CTNNA3: variants seen among roughly 807,000 people sequenced by gnomAD.
CTNNA3 encodes catenin alpha 3.
A neutral mutation model predicts 95.7 loss-of-function variants in CTNNA3; 76 were observed. The observed-to-expected ratio is 0.79, with a 90% CI of 0.66 to 0.96. CTNNA3 has a LOEUF of 0.96. Ranked by LOEUF, CTNNA3 falls within the 40% of genes least tolerant of loss-of-function variation. The pLI, the probability that CTNNA3 is intolerant of heterozygous loss-of-function variation, is 0.00. For synonymous variants in CTNNA3, 431 were observed against 374.4 expected, an observed-to-expected ratio of 1.15 and a Z score of -1.74; for missense variants, 1,191 against 1,089.8, an observed-to-expected ratio of 1.09 and a Z score of -1.31.
At chr10:66,880,042 T>C (rs117058044) in intron 7 of CTNNA3, among the ~76,000 whole-genome samples, 302 of 152,184 alleles carry the variant, frequency 2.0e-3, no homozygotes, top group Non-Finnish European at 3.2e-3. Context: ...GGCAGCAACG[T>C]TCAGAATGTA....
intron 5 of CTNNA3, among the ~76,000 whole-genome samples, chr10:67,320,366 T>G (rs1294766717): frequency 6.6e-6 from 1 of 152,210 alleles, no homozygotes; most frequent in African/African-American, 2.4e-5. Context: ...AAGTTGTTAT[T>G]ACTGTTAACT....
At position 66,957,417 on chromosome 10, in the gene CTNNA3, TATATATATATGCATATATATATATGC is replaced by T. The variant is rs1564793959; in HGVS notation, c.1048-181919_1048-181894del. 4.4e-3 allele frequency among the ~76,000 whole-genome samples: 140 copies of T among 31,890 alleles called. 2 individuals carry two copies. The highest frequency in any genetic ancestry group is 4.9e-3 in the Non-Finnish European group (87 of 17,746). 20.9% of individuals were successfully genotyped at this position (31,890 alleles called of 152,430 possible). ...ACATATATATATATATATATATGCA[TATATATATATGCATATATATATATGC>T]ATATATATATATGCATATATATATA... is the stretch of plus-strand genomic sequence containing the variant. On this transcript the variant is annotated intron_variant, in intron 7 of 17. Transcript: ENST00000433211.
At chr10:67,227,608 A>G (rs2132287130) in intron 5 of CTNNA3, among the ~76,000 whole-genome samples, 1 of 152,358 alleles carries the variant, frequency 6.6e-6, no homozygotes, top group South Asian at 2.1e-4. Context: ...GGGGACTTCA[A>G]TACTCTACTG....
rs543039129 is a variant in CTNNA3, at chr10:67,702,271, C to G, written c.-1-54757G>C. Among the ~76,000 whole-genome samples, 1,302 of 152,000 alleles carry G rather than the reference C, an allele frequency of 8.6e-3. 25 individuals carry two copies. The highest frequency in any genetic ancestry group is 0.029 in the African/African-American group (1,210 of 41,436). ...GAATTGAACTCAGCTCTGCACCAAG[C>G]GGACCTAATAGACATCTACAGAACT... is the stretch of plus-strand genomic sequence containing the variant. On this transcript the variant is annotated intron_variant, in intron 1 of 17. Transcript: ENST00000684154.
At chr10:67,235,418 A>G (rs1865408670) in intron 5 of CTNNA3, among the ~76,000 whole-genome samples, 1 of 152,224 alleles carries the variant, frequency 6.6e-6, no homozygotes, top group African/African-American at 2.4e-5. Flanking sequence ...TGGGGAAAGT[A>G]TTCCCTATTT....
intron 16 of CTNNA3, among the ~76,000 whole-genome samples, chr10:65,977,288 G>C (rs2078224893): frequency 6.6e-6 from 1 of 151,928 alleles, no homozygotes. Context: ...CTTTAAGCCA[G>C]TTTTCACGTT....
At chr10:67,161,149 T>G (rs1469295458) in intron 7 of CTNNA3, among the ~76,000 whole-genome samples, 1 of 152,190 alleles carries the variant, frequency 6.6e-6, no homozygotes, top group Non-Finnish European at 1.5e-5. Flanking sequence ...TATTGTTCAC[T>G]TAAAAATTTG....
At chr10:65,951,759 G>C (rs2077618240) in intron 17 of CTNNA3, among the ~76,000 whole-genome samples, 1 of 152,086 alleles carries the variant, frequency 6.6e-6, no homozygotes, top group African/African-American at 2.4e-5. Context: ...GTCAGGCGCG[G>C]TGGCTTACGC....
In CTNNA3 at chr10:66,069,360, C is replaced by A. The variant is rs1027791056; in HGVS notation, c.2107G>T (p.Val703Phe). ...ATCATACACATGTTCTTGGCCAGAA[C>A]AATGATGTCGTTGCTTGTATCATCC... Reference protein sequence around the residue: ...IWDDTSNDIIVLAKNMCMIMM... With the variant: ...IWDDTSNDIIFLAKNMCMIMM... The change falls in exon 15 of 18, where the codon GTT becomes TTT. Residue 703 changes from valine to phenylalanine, a missense_variant. Val to Phe is a conservative substitution (Grantham distance 50, BLOSUM62 -1). Coordinates refer to ENST00000433211, the MANE Select transcript of CTNNA3 (RefSeq NM_013266.4). 2.5e-6 allele frequency: 4 copies of A among 1,613,690 alleles called. No individual in the cohort carries two copies. The highest frequency in any genetic ancestry group is 3.4e-6 in the Non-Finnish European group (4 of 1,179,754).
chr10:66,340,062 A>G (rs1369757076), intron 12 of CTNNA3, among the ~76,000 whole-genome samples: 2 of 151,768 alleles, frequency 1.3e-5, no homozygotes, highest in East Asian at 3.9e-4. Context: ...CACCTGTTAC[A>G]TATTAATAAA....
In CTNNA3 at chr10:67,576,596, C is replaced by G. The variant is rs181144788; in HGVS notation, c.292+30261G>C. Among the ~76,000 whole-genome samples the G allele has an allele frequency of 2.7e-3, 396 of 149,086 alleles. 2 individuals carry two copies. The highest frequency in any genetic ancestry group is 9.0e-3 in the African/African-American group (361 of 40,090). On this transcript the variant is annotated intron_variant, in intron 3 of 17. Coordinates refer to ENST00000433211, the MANE Select transcript of CTNNA3 (RefSeq NM_013266.4). ...TACTTTAAATTTTAGGGTACATGTGCACAATGTGCAAGTTAGTTACATATG... is the reference window on the plus strand; with the variant it reads ...TACTTTAAATTTTAGGGTACATGTGGACAATGTGCAAGTTAGTTACATATG...
At chr10:66,381,033 C>G (rs1489326044) in intron 11 of CTNNA3, among the ~76,000 whole-genome samples, 5 of 152,104 alleles carry the variant, frequency 3.3e-5, no homozygotes, top group Non-Finnish European at 7.4e-5. Context: ...GACCTGAACT[C>G]AGCTCTGCAA....
intron 14 of CTNNA3, among the ~76,000 whole-genome samples, chr10:66,083,973 T>G (rs1222305654): frequency 6.6e-6 from 1 of 151,564 alleles, no homozygotes; most frequent in Non-Finnish European, 1.5e-5. Context: ...CCATCTCTAC[T>G]AAAAATACAA....
In CTNNA3 at chr10:66,833,458, G is replaced by A. The variant is rs565831717; in HGVS notation, c.1048-57934C>T. ...TTAAAAACAAAATATTACATTTCTA[G>A]GAGGTTTTTTAGTTGACAAAGTATT... is the stretch of plus-strand genomic sequence containing the variant. On this transcript the variant is annotated intron_variant, in intron 7 of 17. Coordinates refer to ENST00000433211, the MANE Select transcript of CTNNA3 (RefSeq NM_013266.4). 1.3e-3 allele frequency among the ~76,000 whole-genome samples: 200 copies of A among 152,222 alleles called. 1 individual carries two copies. Among genetic ancestry groups the A allele is most frequent in the African/African-American group, 4.8e-3 (199 of 41,546 alleles).
rs533298931 is a variant in CTNNA3, at chr10:65,944,876, C to G, written c.2400+21736G>C. ...TCTGTCTATCTATCTATCTATCTAT[C>G]TATCTATCTATCTATCTATCTATCA... On this transcript the variant is annotated intron_variant, in intron 17 of 17. Transcript: ENST00000433211. Among the ~76,000 whole-genome samples the G allele has an allele frequency of 6.8e-4, 101 of 148,514 alleles. No individual in the cohort carries two copies. The East Asian group carries it at 7.8e-3, about 11-fold the overall frequency.
intron 12 of CTNNA3, among the ~76,000 whole-genome samples, chr10:66,299,342 T>C (rs116581751): frequency 0.012 from 1,879 of 152,282 alleles, 46 homozygotes; most frequent in African/African-American, 0.043. Flanking sequence ...AACCTAAAAA[T>C]GCTGGATTAA....
At chr10:67,006,062 A>G (rs1480403053) in intron 7 of CTNNA3, among the ~76,000 whole-genome samples, 1 of 152,038 alleles carries the variant, frequency 6.6e-6, no homozygotes, top group African/African-American at 2.4e-5. Flanking sequence ...TACAGTAATT[A>G]TCTACCACCT....
At position 66,685,351 on chromosome 10, in the gene CTNNA3, A is replaced by T. The variant is rs7902577; in HGVS notation, c.1282-63567T>A. ...TATATATATATATATATATATATAT[A>T]TTTTTTTTTTTTTTTTTTTTTTTTT... is the stretch of plus-strand genomic sequence containing the variant. On this transcript the variant is annotated intron_variant, in intron 9 of 17. Transcript: ENST00000433211. Among the ~76,000 whole-genome samples, 82 of 28,286 alleles carry T rather than the reference A, an allele frequency of 2.9e-3. 1 individual carries two copies. The highest frequency in any genetic ancestry group is 3.5e-3 in the Non-Finnish European group (62 of 17,958). The allele number at this position is 28,286 out of a possible 152,430, so 18.6% of individuals were successfully genotyped here.
intron 7 of CTNNA3, among the ~76,000 whole-genome samples, chr10:67,035,521 G>GT (rs1375084857): frequency 2.6e-5 from 4 of 152,072 alleles, no homozygotes; most frequent in Admixed American, 1.3e-4. Context: ...AAGTTTACTT[G>GT]TTTTTTAATG....
Sources: gnomAD v4.1 joint callset for allele counts (sites outside exome capture counted in the v4.1 genomes callset) on GRCh38, gnomAD v4.1.1 for gene constraint, MANE v1.5 for transcripts, NCBI Gene and HGNC (gene_info 2026-07-23, HGNC 2026-07-21) for gene names.